Variants in RASGRF1 observed in about 807,000 individuals in gnomAD.
RASGRF1 encodes the protein ras-specific guanine nucleotide-releasing factor 1.
A neutral mutation model predicts 138.7 loss-of-function variants in RASGRF1; 40 were observed. The observed-to-expected ratio is 0.29, with a 90% CI of 0.22 to 0.38. RASGRF1 has a LOEUF of 0.38. Among genes scored for constraint, RASGRF1 ranks in the 10% least tolerant of loss-of-function variants. The pLI is 1.00. For missense variants in RASGRF1, 1,108 were observed against 1,650.4 expected (o/e 0.67, Z 5.69); for synonymous variants, 614 against 663.2 (o/e 0.93, Z 1.14).
chr15:78,996,564 T>A (rs758275680), intron 19 of RASGRF1, among the ~76,000 whole-genome samples: 1 of 151,968 alleles, frequency 6.6e-6, no homozygotes, highest in Non-Finnish European at 1.5e-5. Flanking sequence ...AGCTGGAGCA[T>A]GGTGGGCCCA....
chr15:79,088,778 G>T (rs887893808), intron 1 of RASGRF1, among the ~76,000 whole-genome samples: 1 of 152,178 alleles, frequency 6.6e-6, no homozygotes, highest in African/African-American at 2.4e-5. Context: ...CCTGGGACTG[G>T]CTCTTCCACA....
chr15:78,991,117 T>C (rs2056258794), intron 21 of RASGRF1, among the ~76,000 whole-genome samples: 1 of 152,284 alleles, frequency 6.6e-6, no homozygotes, highest in South Asian at 2.1e-4. Context: ...GAAAACACTC[T>C]CGTGGCTTAG....
intron 5 of RASGRF1, among the ~76,000 whole-genome samples, chr15:79,044,283 T>G (rs562641470): frequency 6.6e-6 from 1 of 152,348 alleles, no homozygotes; most frequent in South Asian, 2.1e-4. Flanking sequence ...GTTCTCTCTA[T>G]CTGGAAAGTT....
At chr15:78,991,436 T>C (rs2056264967) in intron 21 of RASGRF1, among the ~76,000 whole-genome samples, 1 of 152,224 alleles carries the variant, frequency 6.6e-6, no homozygotes, top group Admixed American at 6.5e-5. Flanking sequence ...CTTTTCTAGA[T>C]ACTCTCTTTC....
chr15:79,060,839 G>A (rs1162063880), intron 2 of RASGRF1, among the ~76,000 whole-genome samples: 1 of 152,202 alleles, frequency 6.6e-6, no homozygotes, highest in Non-Finnish European at 1.5e-5. Flanking sequence ...GTAGGCAGGA[G>A]AGGTGTGCAT....
In RASGRF1 at chr15:79,027,740, C is replaced by T; in HGVS notation, c.1381+1G>A. Reference sequence around the variant, plus strand: ...GGGGAGACAGGGTGCAGAGGCCATACCTTGTCTCACAAAGGTCTGGCTGGT... The same window carrying T: ...GGGGAGACAGGGTGCAGAGGCCATATCTTGTCTCACAAAGGTCTGGCTGGT... On this transcript the variant is annotated splice_donor_variant, in intron 9 of 26. Coordinates refer to ENST00000558480, the MANE Select transcript of RASGRF1 (RefSeq NM_001145648.3). LOFTEE classifies it high-confidence loss of function. This position sits in a 1 kb window ranked among gnomAD's most constrained non-coding sequence, Gnocchi z 4.8. The T allele has an allele frequency of 6.2e-7, 1 of 1,614,144 alleles. No homozygotes were observed. The highest frequency in any genetic ancestry group is 8.5e-7 in the Non-Finnish European group (1 of 1,179,982).
intron 22 of RASGRF1, among the ~76,000 whole-genome samples, chr15:78,986,246 G>A (rs766106868): frequency 1.6e-4 from 24 of 152,206 alleles, no homozygotes; most frequent in Non-Finnish European, 2.8e-4. Context: ...TGGGGATGGG[G>A]GTGGGAAGCT....
intron 1 of RASGRF1, among the ~76,000 whole-genome samples, chr15:79,084,915 C>G (rs562323817): frequency 6.6e-6 from 1 of 152,146 alleles, no homozygotes; most frequent in Non-Finnish European, 1.5e-5. Flanking sequence ...CAATTTTCCA[C>G]GTGAGTGTCT....
chr15:78,983,842 G>A (rs1350182667), intron 23 of RASGRF1, among the ~76,000 whole-genome samples: 3 of 152,196 alleles, frequency 2.0e-5, no homozygotes, highest in Non-Finnish European at 4.4e-5. Context: ...CATCTTTCAC[G>A]GTCCTTGGCC....
chr15:79,078,601 A>T (rs1203182181), intron 1 of RASGRF1, among the ~76,000 whole-genome samples: 1 of 151,950 alleles, frequency 6.6e-6, no homozygotes, highest in Non-Finnish European at 1.5e-5. Flanking sequence ...GAAAGAACTC[A>T]TCCACCCTGA....
intron 25 of RASGRF1, among the ~76,000 whole-genome samples, chr15:78,972,172 T>C (rs148887737): frequency 0.027 from 4,094 of 152,234 alleles, 83 homozygotes; most frequent in Non-Finnish European, 0.039. Flanking sequence ...CTCGGCTCAG[T>C]GCAACCTCTG....
Position 78,997,810 on chromosome 15 carries a change from C to A in RASGRF1, c.2966+286G>T, listed in dbSNP as rs2056427864. 4 of 422,398 alleles carry A rather than the reference C, an allele frequency of 9.5e-6. 1 individual carries two copies. In the East Asian group the frequency reaches 1.5e-4, roughly 16 times the overall value. The allele number at this position is 422,398 out of a possible 1,614,324, so 26.2% of individuals were successfully genotyped here. ...ACCATATTGGATGGCACAGGCTAGA[C>A]AGGGGTTAGCAGCTGTGGACACACA... is the stretch of plus-strand genomic sequence containing the variant. On this transcript the variant is annotated intron_variant, in intron 19 of 26. Transcript: ENST00000558480.
intron 23 of RASGRF1, chr15:78,981,392 G>A (rs2056026338): frequency 6.6e-6 from 1 of 152,204 alleles, no homozygotes. Flanking sequence ...TTTCCCTCAG[G>A]GGTCCTCAGC....
rs1329846237 is a variant in RASGRF1, at chr15:79,029,343, A to G, written c.1263-1484T>C. Reference sequence around the variant, plus strand: ...GAAATAGCCAATGGTAATTAAAACCACTTCTCTTGATGAGGGTGGGGTTTT... The same window carrying G: ...GAAATAGCCAATGGTAATTAAAACCGCTTCTCTTGATGAGGGTGGGGTTTT... On this transcript the variant is annotated intron_variant, in intron 8 of 26. Coordinates refer to ENST00000558480, the MANE Select transcript of RASGRF1 (RefSeq NM_001145648.3). Among the ~76,000 whole-genome samples the G allele has an allele frequency of 3.9e-5, 6 of 152,126 alleles. No individual in the cohort carries two copies. In the East Asian group the frequency reaches 9.6e-4, roughly 24 times the overall value.
At chr15:78,995,676 A>AG (rs2056376661) in intron 20 of RASGRF1, 64 bp downstream of exon 20, 1 of 1,569,228 alleles carries the variant, frequency 6.4e-7, no homozygotes, top group Non-Finnish European at 8.8e-7. Flanking sequence ...GTGATGGGTC[A>AG]GGGGTCCTGG....
In RASGRF1 at chr15:79,044,284, C is replaced by A. The variant is rs546746599; in HGVS notation, c.878+2462G>T. ...CCTTTGCACATGCTGTTCTCTCTAT[C>A]TGGAAAGTTCTTTCCTCCTCCTCCT... On this transcript the variant is annotated intron_variant, in intron 5 of 26. Coordinates refer to ENST00000558480, the MANE Select transcript of RASGRF1 (RefSeq NM_001145648.3). Among the ~76,000 whole-genome samples the A allele has an allele frequency of 3.3e-5, 5 of 152,362 alleles. No individual in the cohort carries two copies. The South Asian group carries it at 8.3e-4, about 25-fold the overall frequency.
chr15:79,033,563 C>G (rs2057172311), intron 6 of RASGRF1, among the ~76,000 whole-genome samples: 1 of 136,220 alleles, frequency 7.3e-6, no homozygotes, highest in Admixed American at 7.7e-5. Flanking sequence ...GAAACATCTT[C>G]TTCTTCTTTT....
chr15:78,968,250 A>ATATGTGTGTGTGTGTGTG (rs140770821), intron 26 of RASGRF1, among the ~76,000 whole-genome samples: 1 of 134,226 alleles, frequency 7.5e-6, no homozygotes, highest in Non-Finnish European at 1.7e-5. Flanking sequence ...CATGACACTG[A>ATATGTGTGTGTGTGTGTG]TGTGTGTGTG....
intron 13 of RASGRF1, among the ~76,000 whole-genome samples, chr15:79,011,952 G>T (rs2056802938): frequency 6.6e-6 from 1 of 151,522 alleles, no homozygotes. Flanking sequence ...GGAAGTAGAG[G>T]CTGCAGTGAG....
Sources: gnomAD v4.1 joint callset for allele counts (sites outside exome capture counted in the v4.1 genomes callset) on GRCh38, gnomAD v4.1.1 for gene constraint, Gnocchi (gnomAD v3.1) non-coding constraint, MANE v1.5 for transcripts, NCBI Gene and HGNC (gene_info 2026-07-23, HGNC 2026-07-21) for gene names.